The following TAB2 variants were observed in gnomAD, a reference collection of about 807,000 sequenced individuals.
TAB2 encodes TGF-beta-activated kinase 1 and MAP3K7-binding protein 2.
A neutral mutation model predicts 65.0 loss-of-function variants in TAB2; 3 were observed. The observed-to-expected ratio is 0.05, with a 90% confidence interval of 0.02 to 0.12. TAB2 has a LOEUF of 0.12. Ranked by LOEUF, TAB2 falls within the 10% of genes least tolerant of loss-of-function variation. The pLI is 1.00. For missense variants in TAB2, 623 were observed against 840.3 expected, an observed-to-expected ratio of 0.74 and a Z score of 3.20; for synonymous variants, 298 against 285.1, an observed-to-expected ratio of 1.05 and a Z score of -0.46.
At chr6:149,377,944 T>A (rs1190643975) in intron 2 of TAB2, 74 bp from the exon 3 acceptor site, 1 of 1,124,650 alleles carries the variant, frequency 8.9e-7, no homozygotes, top group Non-Finnish European at 1.3e-6. Flanking sequence ...TTGGTAATCA[T>A]GTATTTGTAG....
chr6:149,329,232 T>A (rs1417572728), intron 1 of TAB2, among the ~76,000 whole-genome samples: 1 of 152,150 alleles, frequency 6.6e-6, no homozygotes, highest in African/African-American at 2.4e-5. Flanking sequence ...GAGCCAGACT[T>A]GGGAGGAAGA....
chr6:149,296,019 C>T (rs138260570), intron 1 of TAB2, among the ~76,000 whole-genome samples: 3,850 of 152,324 alleles, frequency 0.025, 77 homozygotes, highest in Middle Eastern at 0.054. Context: ...ATCTGCCCAC[C>T]TCGGCCTCCC....
At chr6:149,308,901 A>G (rs1208681601) in intron 1 of TAB2, among the ~76,000 whole-genome samples, 1 of 152,166 alleles carries the variant, frequency 6.6e-6, no homozygotes, top group African/African-American at 2.4e-5. Context: ...CCTTTTGCAT[A>G]TTAAGAATAT....
chr6:149,304,450 A>T (rs1273323119), intron 1 of TAB2: 1 of 153,032 alleles, frequency 6.5e-6, no homozygotes, highest in Non-Finnish European at 1.5e-5. Flanking sequence ...AAGTCTGTGA[A>T]CTCCATCTGA....
At chr6:149,285,295 G>A (rs1052723861) in intron 1 of TAB2, among the ~76,000 whole-genome samples, 4 of 152,190 alleles carry the variant, frequency 2.6e-5, no homozygotes, top group Non-Finnish European at 5.9e-5. Context: ...GACCCCTGGG[G>A]GTAAAGAGAG....
chr6:149,295,641 T>C (rs758145463), intron 1 of TAB2, among the ~76,000 whole-genome samples: 1 of 152,252 alleles, frequency 6.6e-6, no homozygotes, highest in Admixed American at 6.5e-5. Flanking sequence ...TTGCCTCTAA[T>C]GTTAAAACTA....
At chr6:149,350,250 G>T (rs542583772) in intron 1 of TAB2, among the ~76,000 whole-genome samples, 18 of 151,958 alleles carry the variant, frequency 1.2e-4, no homozygotes, top group Non-Finnish European at 2.2e-4. Flanking sequence ...TATTTCTCAC[G>T]TGAAGAATTT....
upstream of TAB2, among the ~76,000 whole-genome samples, chr6:149,315,847 C>T (rs1779239374): frequency 6.6e-6 from 1 of 152,162 alleles, no homozygotes; most frequent in Non-Finnish European, 1.5e-5. Flanking sequence ...TCTTTGCCCC[C>T]CACTGGTTTT....
chr6:149,304,177 C>T (rs1012221978), intron 1 of TAB2: 2 of 152,364 alleles, frequency 1.3e-5, no homozygotes, highest in South Asian at 2.1e-4. Context: ...TTCTCACCCA[C>T]CAACTTTCTC....
At chr6:149,259,334 TACACACACAC>T (rs61261942) in intron 1 of TAB2, among the ~76,000 whole-genome samples, 8,614 of 145,904 alleles carry the variant, frequency 0.059, 325 homozygotes, top group Middle Eastern at 0.12. Context: ...ACGCTCCCTC[TACACACACAC>T]ACACACACAC....
chr6:149,280,009 G>A (rs1186948411), intron 1 of TAB2, among the ~76,000 whole-genome samples: 3 of 152,038 alleles, frequency 2.0e-5, no homozygotes, highest in Admixed American at 6.6e-5. Context: ...AAAAGCTTTC[G>A]AATCAATTCC....
intron 2 of TAB2, among the ~76,000 whole-genome samples, chr6:149,377,233 G>A (rs1781433349): frequency 6.6e-6 from 1 of 151,666 alleles, no homozygotes; most frequent in Non-Finnish European, 1.5e-5. Flanking sequence ...ACCACGCCCG[G>A]CTAATTTTTT....
At chr6:149,409,229 A>G (rs1049127699) in intron 6 of TAB2, among the ~76,000 whole-genome samples, 5 of 152,244 alleles carry the variant, frequency 3.3e-5, no homozygotes, top group East Asian at 1.9e-4. Flanking sequence ...GTACACTGAC[A>G]GTATTGTTTT....
chr6:149,331,032 T>G lies in TAB2; in HGVS notation c.-90+13017T>G, dbSNP rs561172282. Among the ~76,000 whole-genome samples the G allele has an allele frequency of 2.0e-5, 3 of 152,288 alleles. No homozygotes were observed. The South Asian group carries it at 6.2e-4, about 32-fold the overall frequency. Reference sequence around the variant, plus strand: ...CTGTTTGATTACTATTGCTATATAGTAAGTCTTAAAATTAGATAGTGAAAT... The same window carrying G: ...CTGTTTGATTACTATTGCTATATAGGAAGTCTTAAAATTAGATAGTGAAAT... On this transcript the variant is annotated intron_variant, in intron 1 of 6. Coordinates refer to ENST00000637181, the MANE Select transcript of TAB2 (RefSeq NM_001292034.3).
At chr6:149,225,439 A>G (rs1777248272) in intron 1 of TAB2, among the ~76,000 whole-genome samples, 1 of 152,240 alleles carries the variant, frequency 6.6e-6, no homozygotes, top group Non-Finnish European at 1.5e-5. Flanking sequence ...GAAATTTTTT[A>G]GAGTTTGTCA....
chr6:149,270,136 C>T (rs1328567286), intron 1 of TAB2, among the ~76,000 whole-genome samples: 1 of 152,130 alleles, frequency 6.6e-6, no homozygotes, highest in Non-Finnish European at 1.5e-5. Flanking sequence ...TTTAGCTATT[C>T]CAATTCAGTG....
rs576715058 is a variant in TAB2 at position 149,367,604 on chromosome 6, G to A, written c.-89-2305G>A. Among the ~76,000 whole-genome samples the A allele has an allele frequency of 1.1e-4, 16 of 152,226 alleles. No homozygotes were observed. The South Asian group carries it at 2.7e-3, about 26-fold the overall frequency. ...GCTCAGTAAAGAAAATACTGGGGACGGGAAGAAGTGGTATGTTGGCAAAAA... is the reference window on the plus strand; with the variant it reads ...GCTCAGTAAAGAAAATACTGGGGACAGGAAGAAGTGGTATGTTGGCAAAAA... On this transcript the variant is annotated intron_variant, in intron 1 of 6. Coordinates refer to ENST00000637181, the MANE Select transcript of TAB2 (RefSeq NM_001292034.3).
At chr6:149,369,690 A>G (rs1781156072) in intron 1 of TAB2, among the ~76,000 whole-genome samples, 1 of 152,248 alleles carries the variant, frequency 6.6e-6, no homozygotes, top group Non-Finnish European at 1.5e-5. Context: ...ATTATAGAGC[A>G]TATAAATACA....
chr6:149,289,407 G>C (rs1438794689), intron 1 of TAB2, among the ~76,000 whole-genome samples: 1 of 146,426 alleles, frequency 6.8e-6, no homozygotes, highest in African/African-American at 2.6e-5. Context: ...AAAAAAAAAA[G>C]GCCAAAGTCC....
Sources: gnomAD v4.1 joint callset for allele counts (sites outside exome capture counted in the v4.1 genomes callset) on GRCh38, gnomAD v4.1.1 for gene constraint, MANE v1.5 for transcripts, NCBI Gene and HGNC (gene_info 2026-07-23, HGNC 2026-07-21) for gene names.